The following PARVB variants were observed in gnomAD, a reference collection of about 807,000 sequenced individuals.
PARVB encodes the protein parvin beta.
Under a neutral mutation model 47.0 loss-of-function variants are expected in PARVB, and 46 were observed. The ratio of observed to expected loss-of-function variants is 0.98; its 90% CI spans 0.77 to 1.25. The LOEUF (loss-of-function observed/expected upper bound fraction) is 1.25, where lower values mean the gene tolerates loss of function less well. Among genes scored for constraint, PARVB ranks in the 50% most tolerant of loss-of-function variants. PARVB has a pLI of 0.00. For synonymous variants in PARVB, 196 were observed against 196.3 expected, an observed-to-expected ratio of 1.00 and a Z score of 0.01; for missense variants, 473 against 471.6, an observed-to-expected ratio of 1.00 and a Z score of -0.03.
intron 1 of PARVB, among the ~76,000 whole-genome samples, chr22:44,084,761 G>A (rs1158404690): frequency 1.3e-5 from 2 of 152,214 alleles, no homozygotes; most frequent in East Asian, 1.9e-4. Context: ...CAGTGCTGCC[G>A]GGAGAGGCCC....
At chr22:44,059,088 C>T (rs1326066279) in intron 1 of PARVB, among the ~76,000 whole-genome samples, 2 of 136,772 alleles carry the variant, frequency 1.5e-5, no homozygotes, top group South Asian at 2.4e-4. Flanking sequence ...CTGTGTTGCC[C>T]AGGCTGGAGT....
intron 1 of PARVB, among the ~76,000 whole-genome samples, chr22:44,035,918 A>G (rs946170529): frequency 1.3e-5 from 2 of 152,126 alleles, no homozygotes; most frequent in African/African-American, 4.8e-5. Flanking sequence ...CTACTATTAC[A>G]GTGGTGCAGT....
chr22:44,000,415 CCT>C (rs1308696834), intron 2 of PARVB, among the ~76,000 whole-genome samples: 2 of 152,192 alleles, frequency 1.3e-5, no homozygotes, highest in African/African-American at 2.4e-5. Context: ...GGCACAGTCC[CCT>C]GTTTCCCAGT....
chr22:44,126,915 G>A (rs79884343), intron 4 of PARVB, among the ~76,000 whole-genome samples: 3,734 of 152,270 alleles, frequency 0.025, 117 homozygotes, highest in African/African-American at 0.071. Context: ...CATCTCAGCC[G>A]TGGTTGCCTG....
At chr22:44,095,505 T>TAA (rs111367961) in intron 2 of PARVB, among the ~76,000 whole-genome samples, 12 of 127,452 alleles carry the variant, frequency 9.4e-5, no homozygotes, top group Admixed American at 8.5e-4. Flanking sequence ...CATCTCAAAG[T>TAA]AAAAAAAAAA....
intron 3 of PARVB, among the ~76,000 whole-genome samples, chr22:44,102,457 A>G (rs1428879298): frequency 6.6e-6 from 1 of 152,208 alleles, no homozygotes; most frequent in Non-Finnish European, 1.5e-5. Flanking sequence ...AATGCTTGAG[A>G]GTTCACAAAC....
intron 1 of PARVB, among the ~76,000 whole-genome samples, chr22:44,071,667 C>T (rs180772616): frequency 6.0e-4 from 91 of 152,290 alleles, no homozygotes; most frequent in African/African-American, 2.1e-3. Flanking sequence ...TTCCAAACTT[C>T]GTGTCCTCTG....
At chr22:44,026,309 A>G in intron 1 of PARVB, 1 of 985,506 alleles carries the variant, frequency 1.0e-6, no homozygotes, top group Non-Finnish European at 1.2e-6. Context: ...CCTGTGCTGA[A>G]TAGAACGGGC....
At chr22:44,014,937 G>A (rs1279030498) in intron 2 of PARVB, among the ~76,000 whole-genome samples, 4 of 151,466 alleles carry the variant, frequency 2.6e-5, no homozygotes, top group South Asian at 4.2e-4. Context: ...TGCAACCTCC[G>A]CACCCTGGGT....
intron 1 of PARVB, among the ~76,000 whole-genome samples, chr22:44,079,678 T>C (rs563614005): frequency 6.6e-6 from 1 of 152,158 alleles, no homozygotes; most frequent in South Asian, 2.1e-4. Context: ...AACAATACAT[T>C]ACACTTTGGG....
intron 4 of PARVB, among the ~76,000 whole-genome samples, chr22:44,120,160 C>T (rs954269986): frequency 2.0e-5 from 3 of 152,188 alleles, no homozygotes; most frequent in African/African-American, 4.8e-5. Flanking sequence ...GACCTGTCTA[C>T]GGAGCAGCCC....
At chr22:44,056,384 T>C (rs1350960704) in intron 1 of PARVB, among the ~76,000 whole-genome samples, 1 of 152,210 alleles carries the variant, frequency 6.6e-6, no homozygotes, top group African/African-American at 2.4e-5. Flanking sequence ...GGATGCAGCG[T>C]TGCCCGGGTT....
At chr22:44,101,767 G>A (rs1294974332) in intron 3 of PARVB, among the ~76,000 whole-genome samples, 36 of 147,810 alleles carry the variant, frequency 2.4e-4, no homozygotes, top group Admixed American at 4.0e-4. Flanking sequence ...AAAAAAAAAA[G>A]AAATTCCAAA....
At chr22:43,999,321 G>C in exon 1 of PARVB, 10 of 1,570,092 alleles carry the variant, frequency 6.4e-6, no homozygotes, top group Non-Finnish European at 8.7e-6. Flanking sequence ...TTTACCTTTG[G>C]GACAGTTAGA....
intron 2 of PARVB, among the ~76,000 whole-genome samples, chr22:43,999,844 A>AAAC (rs2050395151): frequency 1.4e-5 from 2 of 138,740 alleles, no homozygotes; most frequent in Non-Finnish European, 1.5e-5. Context: ...GAAAAAAAAA[A>AAAC]AAAAAAAAAA....
intron 10 of PARVB, among the ~76,000 whole-genome samples, chr22:44,153,815 TG>T (rs1406491888): frequency 6.6e-6 from 1 of 152,136 alleles, no homozygotes; most frequent in African/African-American, 2.4e-5. Flanking sequence ...TAATGGGAAG[TG>T]TATCTCATCA....
At chr22:44,124,995 C>T (rs140292474) in intron 4 of PARVB, among the ~76,000 whole-genome samples, 9 of 151,652 alleles carry the variant, frequency 5.9e-5, no homozygotes, top group Non-Finnish European at 1.0e-4. Context: ...TTTGCACACT[C>T]TGCACAAATG....
chr22:44,030,190 C>A (rs1329905603), intron 1 of PARVB, among the ~76,000 whole-genome samples: 1 of 152,256 alleles, frequency 6.6e-6, no homozygotes, highest in Non-Finnish European at 1.5e-5. Context: ...CCCAGCAACG[C>A]CTGGGCTGGG....
chr22:44,063,033 A>G (rs1363643525), intron 1 of PARVB, among the ~76,000 whole-genome samples: 1 of 152,148 alleles, frequency 6.6e-6, no homozygotes, highest in Non-Finnish European at 1.5e-5. Context: ...GGAGCCACCA[A>G]GAGTCACCTC....
Sources: allele counts gnomAD v4.1 joint callset (sites outside exome capture counted in the v4.1 genomes callset), GRCh38; gene constraint gnomAD v4.1.1; transcripts MANE v1.5; gene names NCBI Gene and HGNC (gene_info 2026-07-23, HGNC 2026-07-21).